The following COIL variants were observed in gnomAD, a reference collection of about 807,000 sequenced individuals.
COIL encodes the protein coilin.
In COIL, 28 loss-of-function variants were observed where a neutral mutation model predicts 51.6. That is an observed-to-expected ratio of 0.54 (90% CI 0.40 to 0.74). COIL has a LOEUF of 0.74. Among genes scored for constraint, COIL ranks in the 30% least tolerant of loss-of-function variants. The pLI, the probability that COIL is intolerant of heterozygous loss-of-function variation, is 0.00. For missense variants in COIL, 667 were observed against 685.9 expected (o/e 0.97, Z 0.31); for synonymous variants, 233 against 255.8 (o/e 0.91, Z 0.85).
intron 6 of COIL, among the ~76,000 whole-genome samples, chr17:56,941,755 A>G (rs1191638019): frequency 6.6e-6 from 1 of 152,234 alleles, no homozygotes; most frequent in Non-Finnish European, 1.5e-5. Context: ...GTGTATGCCA[A>G]TAAAGTTTCT....
intron 4 of COIL, among the ~76,000 whole-genome samples, chr17:56,946,995 G>A (rs570644794): frequency 1.3e-5 from 2 of 152,240 alleles, no homozygotes; most frequent in South Asian, 4.1e-4. Flanking sequence ...GAAACCAGAA[G>A]GCACTTTATC....
rs1321073428 is a variant in COIL at position 56,949,415 on chromosome 17, C to A, written c.1460G>T (p.Ser487Ile). The change falls in exon 4 of 7, where the codon AGT becomes ATT. Residue 487 changes from serine (S) to isoleucine (I), a missense_variant. By Grantham distance (142) the Ser-to-Ile change is moderately radical (BLOSUM62 -2). Transcript: ENST00000240316. ...GTAGTCAGAGACATCAGGAGAGTAA[C>A]TGGATGTTAGCTCCAAAAGCTAAAA... ...IAFKLLELTS[S>I]YSPDVSDYKE... The A allele has an allele frequency of 1.2e-6, 2 of 1,602,160 alleles. No homozygotes were observed. The highest frequency in any genetic ancestry group is 2.7e-5 in the African/African-American group (2 of 73,798).
chr17:56,948,788 A>G (rs1193178201), intron 4 of COIL, among the ~76,000 whole-genome samples: 1 of 148,256 alleles, frequency 6.7e-6, no homozygotes, highest in Non-Finnish European at 1.5e-5. Context: ...TGGTTACCTG[A>G]TAATGCAGAA....
chr17:56,953,354 T>G (rs1239121465), intron 1 of COIL, among the ~76,000 whole-genome samples: 1 of 136,932 alleles, frequency 7.3e-6, no homozygotes, highest in Non-Finnish European at 1.5e-5. Context: ...GAGCTTGCAG[T>G]GAGCCGAGGT....
chr17:56,948,132 A>ATTT (rs11450212), intron 4 of COIL, among the ~76,000 whole-genome samples: 105 of 123,782 alleles, frequency 8.5e-4, no homozygotes, highest in Non-Finnish European at 1.1e-3. Flanking sequence ...TTGAGGAAAG[A>ATTT]TTTTTTTTTT....
chr17:56,942,595 A>T (rs1301758153), intron 5 of COIL, among the ~76,000 whole-genome samples: 1 of 152,226 alleles, frequency 6.6e-6, no homozygotes, highest in African/African-American at 2.4e-5. Context: ...GACTCACTAC[A>T]ACCTCTACCT....
chr17:56,956,424 T>G (rs58051209), intron 1 of COIL, among the ~76,000 whole-genome samples: 5 of 151,940 alleles, frequency 3.3e-5, no homozygotes, highest in African/African-American at 1.2e-4. Flanking sequence ...GTTTGTTTTT[T>G]GGGGTTTTTT....
In COIL at chr17:56,949,874, A is replaced by G. The variant is rs1307167750; in HGVS notation, c.1353+15T>C. The G allele has an allele frequency of 6.2e-7, 1 of 1,611,038 alleles. No individual in the cohort carries two copies. Among genetic ancestry groups the G allele is most frequent in the Admixed American group, 1.7e-5 (1 of 59,628 alleles). ...GGGGAAAGGGAGGAGATAACTTACA[A>G]AAAATAATACTTACCTGGATAATAG... On this transcript the variant is annotated intron_variant, in intron 2 of 6. Transcript: ENST00000240316.
Position 56,960,973 on chromosome 17 carries a change from G to A in COIL, c.47C>T (p.Pro16Leu), listed in dbSNP as rs1910591232. 1 of 1,614,162 alleles carries A rather than the reference G, an allele frequency of 6.2e-7. No homozygotes were observed. The highest frequency in any genetic ancestry group is 8.5e-7 in the Non-Finnish European group (1 of 1,180,022). Residue 16 changes from proline to leucine, a missense_variant, in exon 1 of 7, where the codon CCG (proline) becomes CTG (leucine). Coordinates refer to ENST00000240316, the MANE Select transcript of COIL (RefSeq NM_004645.3). ...TVRLRLQFDY[P>L]PPATPHCTAF... is the part of the protein sequence containing the mutation. ...CGTACAGTGCGGGGTAGCTGGCGGC[G>A]GGTAATCAAATTGAAGCCGTAGCCT...
chr17:56,940,177 T>A (rs912494294), intron 6 of COIL: 2 of 152,314 alleles, frequency 1.3e-5, no homozygotes, highest in Non-Finnish European at 2.9e-5. Flanking sequence ...CAGGACTCAC[T>A]GCACCTTCCA....
intron 6 of COIL, among the ~76,000 whole-genome samples, chr17:56,939,431 T>C (rs1329283561): frequency 1.3e-5 from 2 of 151,978 alleles, no homozygotes; most frequent in Non-Finnish European, 2.9e-5. Context: ...CCATCTCTAT[T>C]ATTTTTTTTA....
At chr17:56,948,077 C>G (rs1910283534) in intron 4 of COIL, among the ~76,000 whole-genome samples, 1 of 151,460 alleles carries the variant, frequency 6.6e-6, no homozygotes, top group Non-Finnish European at 1.5e-5. Context: ...CGACCTAGAA[C>G]TAACCCACCA....
Position 56,960,879 on chromosome 17 carries a change from C to G in COIL, c.141G>C (p.Gln47His), listed in dbSNP as rs1910585754. 1.9e-6 allele frequency: 3 copies of G among 1,614,028 alleles called. No homozygotes were observed. ...AGGCCCCAGAACTGAAGCCGAAGCG[C>G]TGGCGGATGAGACTAATGAGATCTG... Reference protein sequence around the residue: ...VVTDLISLIRQRFGFSSGAFL... With the variant: ...VVTDLISLIRHRFGFSSGAFL... Residue 47 changes from glutamine (Q) to histidine (H), a missense_variant, in exon 1 of 7, where the codon CAG becomes CAC. Physicochemically the swap from Gln to His is conservative, Grantham distance 24 (BLOSUM62 0). Transcript: ENST00000240316.
At chr17:56,942,763 G>A (rs1381197651) in intron 5 of COIL, among the ~76,000 whole-genome samples, 6 of 152,104 alleles carry the variant, frequency 3.9e-5, no homozygotes, top group African/African-American at 7.2e-5. Flanking sequence ...TGATCTGCCC[G>A]CCTCGGCCTC....
intron 5 of COIL, among the ~76,000 whole-genome samples, chr17:56,944,860 A>T (rs1397892362): frequency 2.0e-5 from 3 of 151,590 alleles, no homozygotes; most frequent in African/African-American, 7.3e-5. Flanking sequence ...TACTAAAAAT[A>T]CAAAAAATTA....
At chr17:56,957,257 G>A (rs1008900062) in intron 1 of COIL, among the ~76,000 whole-genome samples, 19 of 144,730 alleles carry the variant, frequency 1.3e-4, no homozygotes, top group African/African-American at 4.6e-4. Flanking sequence ...AAAAAATAAG[G>A]GAGTCTCTCT....
intron 1 of COIL, chr17:56,951,832 C>T (rs993643387): frequency 6.7e-6 from 1 of 149,942 alleles, no homozygotes; most frequent in African/African-American, 2.5e-5. Context: ...GGAGTCCCAA[C>T]TCCGTCACCC....
chr17:56,945,046 AACAG>A (rs1465438501), intron 5 of COIL, among the ~76,000 whole-genome samples: 1 of 148,908 alleles, frequency 6.7e-6, no homozygotes, highest in East Asian at 2.0e-4. Context: ...CAAACAAACA[AACAG>A]AAAACAGGCT....
chr17:56,942,095 TA>T lies in COIL; in HGVS notation c.1586del (p.Leu529Ter), dbSNP rs1166980898. The stretch of plus-strand genomic sequence containing the variant: ...CGGCTCCATTTTCATTGTGATAAAC[TA>T]AATCAAATTTCCCAGGTTCTCTCAA... The part of the protein sequence containing the change: ...PALREPGKFD[L>X]VYHNENGAEV... On this transcript the variant is annotated frameshift_variant, in exon 6 of 7. Coordinates refer to ENST00000240316, the MANE Select transcript of COIL (RefSeq NM_004645.3). LOFTEE classifies it high-confidence loss of function. 4 of 1,614,038 alleles carry T rather than the reference TA, an allele frequency of 2.5e-6. No individual in the cohort carries two copies. The highest frequency in any genetic ancestry group is 3.4e-6 in the Non-Finnish European group (4 of 1,179,986).
Sources: gnomAD v4.1 joint callset for allele counts (sites outside exome capture counted in the v4.1 genomes callset) on GRCh38, gnomAD v4.1.1 for gene constraint, MANE v1.5 for transcripts, NCBI Gene and HGNC (gene_info 2026-07-23, HGNC 2026-07-21) for gene names.